Variants in STK32B observed in about 807,000 individuals in gnomAD.
STK32B encodes serine/threonine-protein kinase 32B.
STK32B carries 43 observed loss-of-function variants against 52.6 expected under a neutral mutation model. That is an observed-to-expected ratio of 0.82 (90% CI 0.64 to 1.05). STK32B has a LOEUF of 1.05. Among genes scored for constraint, STK32B ranks in the 50% least tolerant of loss-of-function variants. The pLI is 0.00. For synonymous variants in STK32B, 238 were observed against 204.3 expected (o/e 1.17, Z -1.41); for missense variants, 621 against 534.6 (o/e 1.16, Z -1.59).
intron 1 of STK32B, among the ~76,000 whole-genome samples, chr4:5,102,883 TTTCC>T (rs1192628392): frequency 3.3e-4 from 10 of 30,178 alleles, no homozygotes; most frequent in South Asian, 2.5e-3. Flanking sequence ...CCCTCCCTTC[TTTCC>T]TTCCTTCCTT....
At chr4:5,389,926 G>A (rs1736494518) in intron 4 of STK32B, among the ~76,000 whole-genome samples, 1 of 152,170 alleles carries the variant, frequency 6.6e-6, no homozygotes. Context: ...AGTAGGAGAT[G>A]CAGCTGCAGG....
chr4:5,281,608 AAAG>A (rs1317683047), intron 3 of STK32B, among the ~76,000 whole-genome samples: 3 of 152,204 alleles, frequency 2.0e-5, no homozygotes, highest in African/African-American at 2.4e-5. Flanking sequence ...AAAATTTAAA[AAAG>A]AAGAAATATA....
At position 5,274,294 on chromosome 4, in the gene STK32B, A is replaced by C. The variant is rs186353136; in HGVS notation, c.261-56926A>C. 2.0e-4 allele frequency among the ~76,000 whole-genome samples: 30 copies of C among 152,338 alleles called. No individual in the cohort carries two copies. The East Asian group carries it at 5.2e-3, about 26-fold the overall frequency. On this transcript the variant is annotated intron_variant, in intron 3 of 11. Coordinates refer to ENST00000282908, the MANE Select transcript of STK32B (RefSeq NM_018401.3). ...TGGTGCCGAGACACACAAATAGATC[A>C]ATAGAACAGAATTTTAAAATAGAAC...
intron 3 of STK32B, among the ~76,000 whole-genome samples, chr4:5,208,436 G>A (rs1316960807): frequency 1.3e-5 from 2 of 152,188 alleles, no homozygotes; most frequent in Non-Finnish European, 2.9e-5. Flanking sequence ...GATTTATTGA[G>A]TTCTTACTGC....
Position 5,495,186 on chromosome 4 carries a change from C to T in STK32B, c.1107-3759C>T, listed in dbSNP as rs565982477. ...TGCAGAGTGTTTTCCAACTTGGTTC[C>T]GTTTTCCCTGTCACTTTCAGGTACA... is the stretch of plus-strand genomic sequence containing the variant. On this transcript the variant is annotated intron_variant, in intron 11 of 11. Transcript: ENST00000282908. 3.8e-4 allele frequency among the ~76,000 whole-genome samples: 58 copies of T among 152,256 alleles called. 1 individual carries two copies. The Middle Eastern group carries it at 0.014, about 36-fold the overall frequency.
chr4:5,360,841 C>G (rs1396623513), intron 4 of STK32B, among the ~76,000 whole-genome samples: 1 of 152,162 alleles, frequency 6.6e-6, no homozygotes, highest in Non-Finnish European at 1.5e-5. Flanking sequence ...AAAACAAAAG[C>G]TGTGGTAAAA....
intron 11 of STK32B, among the ~76,000 whole-genome samples, chr4:5,478,339 G>C (rs191703847): frequency 6.6e-4 from 101 of 152,264 alleles, no homozygotes; most frequent in East Asian, 2.1e-3. Context: ...GAGAGGAGAC[G>C]ATGGTAAGAG....
At chr4:5,141,864 T>A (rs1217329489) in intron 2 of STK32B, among the ~76,000 whole-genome samples, 1 of 152,116 alleles carries the variant, frequency 6.6e-6, no homozygotes, top group African/African-American at 2.4e-5. Flanking sequence ...AGGTTTCCTA[T>A]CTAATGGTTT....
At chr4:5,085,395 T>C (rs1712676394) in intron 1 of STK32B, among the ~76,000 whole-genome samples, 2 of 152,226 alleles carry the variant, frequency 1.3e-5, no homozygotes. Context: ...TTCTGATAAA[T>C]TGTGCAGTAA....
At chr4:5,491,625 T>G (rs1719741117) in intron 11 of STK32B, among the ~76,000 whole-genome samples, 2 of 152,126 alleles carry the variant, frequency 1.3e-5, no homozygotes. Context: ...GCCATTGCTT[T>G]TGGTGTTTTA....
intron 3 of STK32B, among the ~76,000 whole-genome samples, chr4:5,257,051 A>G (rs748803632): frequency 1.4e-5 from 2 of 144,972 alleles, no homozygotes; most frequent in Non-Finnish European, 3.0e-5. Flanking sequence ...GAATGAGTGA[A>G]TGAATATGTG....
chr4:5,286,901 G>A (rs1454581227), intron 3 of STK32B, among the ~76,000 whole-genome samples: 3 of 149,954 alleles, frequency 2.0e-5, no homozygotes, highest in East Asian at 2.0e-4. Flanking sequence ...AGTTTCAAGC[G>A]ATTCTCCTGC....
intron 6 of STK32B, among the ~76,000 whole-genome samples, chr4:5,426,365 A>G (rs972477534): frequency 6.6e-6 from 1 of 151,918 alleles, no homozygotes; most frequent in African/African-American, 2.4e-5. Flanking sequence ...CCATCCATAT[A>G]TTTTCTGTGT....
At chr4:5,325,587 A>G (rs1255996756) in intron 3 of STK32B, among the ~76,000 whole-genome samples, 3 of 152,200 alleles carry the variant, frequency 2.0e-5, no homozygotes, top group Admixed American at 2.0e-4. Flanking sequence ...CCTTTCTGGA[A>G]CAAAGTAGGA....
At chr4:5,473,302 G>C (rs549815375) in intron 11 of STK32B, among the ~76,000 whole-genome samples, 4 of 152,292 alleles carry the variant, frequency 2.6e-5, no homozygotes, top group South Asian at 4.1e-4. Flanking sequence ...GCTTTCAGAC[G>C]TGCAGGAAGG....
chr4:5,462,204 G>C (rs967551071), intron 9 of STK32B, among the ~76,000 whole-genome samples: 1 of 151,882 alleles, frequency 6.6e-6, no homozygotes, highest in Non-Finnish European at 1.5e-5. Context: ...CCCGTGGTGT[G>C]TGTGCCTATA....
intron 3 of STK32B, among the ~76,000 whole-genome samples, chr4:5,217,518 T>C (rs1280008953): frequency 7.9e-5 from 12 of 152,220 alleles, no homozygotes; most frequent in Admixed American, 7.2e-4. Flanking sequence ...AAAGAGAGAA[T>C]GTACAAGTAT....
the STK32B span, among the ~76,000 whole-genome samples, chr4:5,032,272 G>A: frequency 2.6e-5 from 4 of 151,498 alleles, no homozygotes; most frequent in African/African-American, 4.8e-5. Context: ...TCAGGAGTTC[G>A]AGAGCAGTCT....
At chr4:5,441,122 A>G (rs1417368789) in intron 6 of STK32B, among the ~76,000 whole-genome samples, 10 of 148,824 alleles carry the variant, frequency 6.7e-5, no homozygotes, top group Middle Eastern at 3.3e-3. Flanking sequence ...GGCCTCATAA[A>G]ATGAGTTAGG....
Sources: allele counts gnomAD v4.1 joint callset (sites outside exome capture counted in the v4.1 genomes callset), GRCh38; gene constraint gnomAD v4.1.1; transcripts MANE v1.5; gene names NCBI Gene and HGNC (gene_info 2026-07-23, HGNC 2026-07-21).